Variants in ANO7 observed in about 807,000 individuals in gnomAD.
The protein encoded by ANO7 is anoctamin 7, also known as anoctamin-7.
A neutral mutation model predicts 115.8 loss-of-function variants in ANO7; 114 were observed. The ratio of observed to expected loss-of-function variants is 0.98; its 90% CI spans 0.85 to 1.15. ANO7 has a LOEUF of 1.15. Ranked by LOEUF, ANO7 falls within the 50% of genes most tolerant of loss-of-function variation. The probability of loss-of-function intolerance (pLI) is 0.00; values close to 1 mark genes in which losing one functional copy is unlikely to be tolerated. For missense variants in ANO7, 1,302 were observed against 1,201.2 expected (o/e 1.08, Z -1.24); for synonymous variants, 550 against 498.2 (o/e 1.10, Z -1.38).
chr2:241,236,575 G>T, the ANO7 span: 3 of 1,606,728 alleles, frequency 1.9e-6, no homozygotes, highest in African/African-American at 4.0e-5. Context: ...CTGCTGACTG[G>T]GCCTTGGCGG....
At chr2:241,200,342 G>T (rs1298392607) in intron 6 of ANO7, 117 bp downstream of exon 6, 1 of 1,368,158 alleles carries the variant, frequency 7.3e-7, no homozygotes, top group African/African-American at 1.5e-5. Context: ...TTTCGGCAGG[G>T]AATCTGAGGC....
chr2:241,196,045 A>T, intron 4 of ANO7, 200 bp downstream of exon 4: 1 of 1,443,616 alleles, frequency 6.9e-7, no homozygotes, highest in Non-Finnish European at 9.1e-7. Context: ...GTAAACATTG[A>T]TCCCTCCTGC....
intron 19 of ANO7, 108 bp downstream of exon 19, chr2:241,216,346 C>A: frequency 7.4e-7 from 1 of 1,354,146 alleles, no homozygotes; most frequent in Non-Finnish European, 9.8e-7. Context: ...TGCATCTGCC[C>A]TGAAATGTGC....
At chr2:241,220,581 C>T (rs917720932) in intron 21 of ANO7, among the ~76,000 whole-genome samples, 3 of 152,194 alleles carry the variant, frequency 2.0e-5, no homozygotes, top group Non-Finnish European at 4.4e-5. Flanking sequence ...CCTATGTTCC[C>T]AGCACTTTGG....
At chr2:241,223,513 C>T in intron 22 of ANO7, 149 bp from the exon 23 acceptor site, 3 of 1,308,190 alleles carry the variant, frequency 2.3e-6, no homozygotes, top group South Asian at 2.8e-5. Context: ...CTGGGGTGGC[C>T]TCTGCCCCTT....
downstream of ANO7, chr2:241,230,771 C>T: frequency 6.2e-7 from 1 of 1,614,160 alleles, no homozygotes; most frequent in Non-Finnish European, 8.5e-7. The surrounding 1 kb of genome is among the most constrained non-coding windows in gnomAD (Gnocchi z 5.0). Context: ...TGAATTCGTC[C>T]ATGATTTTGC....
chr2:241,233,814 T>G, the ANO7 span: 26 of 1,613,926 alleles, frequency 1.6e-5, 1 homozygote, highest in South Asian at 2.1e-4. The surrounding 1 kb of genome is among the most constrained non-coding windows in gnomAD (Gnocchi z 4.3). Context: ...CAACCGAGGC[T>G]CTCACCTGGT....
rs2069100599 is a variant in ANO7, at chr2:241,224,169, C to T, written c.*16C>T. On this transcript the variant is annotated 3_prime_UTR_variant, in exon 25 of 25. Coordinates refer to ENST00000674324, the MANE Select transcript of ANO7 (RefSeq NM_001370694.2). ...GCAGCAGTGACGCCTGGAAGGACAT[C>T]TGGTGGTCCTTAGGGGAGTGGCCCC... 6.2e-7 allele frequency: 1 copy of T among 1,613,850 alleles called. No individual in the cohort carries two copies. The highest frequency in any genetic ancestry group is 8.5e-7 in the Non-Finnish European group (1 of 1,179,972).
the ANO7 span, chr2:241,233,981 A>C: frequency 6.2e-7 from 1 of 1,613,974 alleles, no homozygotes; most frequent in Middle Eastern, 1.7e-4. This position sits in a 1 kb window ranked among gnomAD's most constrained non-coding sequence, Gnocchi z 4.3. Flanking sequence ...TGAAAGGAGC[A>C]AGAATGAGGC....
chr2:241,237,910 A>C, the ANO7 span, among the ~76,000 whole-genome samples: 1 of 152,234 alleles, frequency 6.6e-6, no homozygotes, highest in Non-Finnish European at 1.5e-5. Context: ...CAGGAAAACA[A>C]AGGGGCTTGA....
At chr2:241,238,067 G>A in the ANO7 span, among the ~76,000 whole-genome samples, 1 of 152,232 alleles carries the variant, frequency 6.6e-6, no homozygotes, top group African/African-American at 2.4e-5. The surrounding 1 kb of genome is among the most constrained non-coding windows in gnomAD (Gnocchi z 4.9). Context: ...ACAGAGTGGA[G>A]GGCATACCTT....
Position 241,216,121 on chromosome 2 carries a change from C to T in ANO7, c.1855C>T (p.Arg619Trp), listed in dbSNP as rs189777701. Residue 619 changes from arginine (R) to tryptophan (W), a missense_variant, in exon 19 of 25, where the codon CGG (arginine) becomes TGG (tryptophan). Transcript: ENST00000674324. ...PKLKGWWQKF[R>W]LRSKKRKAGA... ...GCTAAAGGGCTGGTGGCAGAAGTTC[C>T]GGCTTCGCTCCAAGAAGAGGAAGGC... is the stretch of plus-strand genomic sequence containing the variant. 1.1e-4 allele frequency: 182 copies of T among 1,611,722 alleles called. No homozygotes were observed. Among genetic ancestry groups the T allele is most frequent in the Admixed American group, 1.3e-4 (8 of 59,494 alleles).
At chr2:241,208,489 A>G (rs1030172467) in intron 11 of ANO7, among the ~76,000 whole-genome samples, 3 of 152,174 alleles carry the variant, frequency 2.0e-5, no homozygotes, top group African/African-American at 7.2e-5. Flanking sequence ...CCCCTCTTGT[A>G]AGGGTTTGTC....
rs1441892636 is a variant in ANO7, at chr2:241,214,813, T to C, written c.1737T>C (p.Ala579=). ...LFGVRNEECA[A]GGCLIELAQE... is the part of the protein sequence containing the mutation. The stretch of plus-strand genomic sequence containing the variant: ...GAGCCCTGCTGCCGTAGTGCGCGGC[T>C]GGAGGCTGCCTGATCGAGCTGGCAC... Residue 579 remains alanine, a synonymous_variant, in exon 18 of 25, where the codon GCT becomes GCC. Coordinates refer to ENST00000674324, the MANE Select transcript of ANO7 (RefSeq NM_001370694.2). 1 of 1,611,798 alleles carries C rather than the reference T, an allele frequency of 6.2e-7. No individual in the cohort carries two copies. The highest frequency in any genetic ancestry group is 8.5e-7 in the Non-Finnish European group (1 of 1,179,912).
intron 6 of ANO7, 109 bp downstream of exon 6, chr2:241,200,334 T>G: frequency 7.0e-7 from 1 of 1,432,660 alleles, no homozygotes; most frequent in Non-Finnish European, 9.3e-7. Context: ...CCTGGAGTTT[T>G]CGGCAGGGAA....
In ANO7 at chr2:241,212,443, G is replaced by A. The variant is rs1427422357; in HGVS notation, c.1674-129G>A. On this transcript the variant is annotated intron_variant, in intron 16 of 24. Coordinates refer to ENST00000674324, the MANE Select transcript of ANO7 (RefSeq NM_001370694.2). ...CACAGGAGGCCCAGCTCACAACCGGGACTCTACGCCACAGTTCGTGCTTCC... is the reference window on the plus strand; with the variant it reads ...CACAGGAGGCCCAGCTCACAACCGGAACTCTACGCCACAGTTCGTGCTTCC... 2.7e-6 allele frequency: 3 copies of A among 1,098,890 alleles called. No individual in the cohort carries two copies. The African/African-American group carries it at 4.7e-5, about 17-fold the overall frequency. 68.1% of individuals were successfully genotyped at this position (1,098,890 alleles called of 1,614,324 possible).
At chr2:241,218,562 A>C (rs988854826) in intron 21 of ANO7, among the ~76,000 whole-genome samples, 181 bp downstream of exon 21, 7 of 152,008 alleles carry the variant, frequency 4.6e-5, no homozygotes, top group African/African-American at 1.4e-4. Context: ...TCCCCGCGGT[A>C]AGGGACGGAG....
chr2:241,216,059 A>G, intron 18 of ANO7, 34 bp from the exon 19 acceptor site: 1 of 1,579,270 alleles, frequency 6.3e-7, no homozygotes, highest in Middle Eastern at 1.7e-4. Context: ...CCCATGTTGG[A>G]TCAAAGGCCA....
rs552149072 is a variant in ANO7 at position 241,199,210 on chromosome 2, G to A, written c.310-106G>A. The A allele has an allele frequency of 1.8e-5, 18 of 979,574 alleles. No individual in the cohort carries two copies. The East Asian group carries it at 2.0e-4, about 11-fold the overall frequency. 60.7% of individuals were successfully genotyped at this position (979,574 alleles called of 1,614,324 possible). A position where few individuals can be genotyped will look rare whatever the true frequency, so the allele number is the denominator to read the frequency against. The stretch of plus-strand genomic sequence containing the variant: ...GAGATTCAAAGTCAGCTGTTACCAC[G>A]GCTACAGAAATGCCAGTCTTTTCCT... On this transcript the variant is annotated intron_variant, in intron 4 of 24. Transcript: ENST00000674324.
Sources: allele counts gnomAD v4.1 joint callset (sites outside exome capture counted in the v4.1 genomes callset), GRCh38; gene constraint gnomAD v4.1.1; non-coding constraint Gnocchi (gnomAD v3.1); transcripts MANE v1.5; gene names NCBI Gene and HGNC (gene_info 2026-07-23, HGNC 2026-07-21).